PRR14L: variants seen among roughly 807,000 people sequenced by gnomAD.
PRR14L encodes the protein proline rich 14 like.
PRR14L carries 80 observed loss-of-function variants against 155.0 expected under a neutral mutation model. That is an observed-to-expected ratio of 0.52 (90% CI 0.43 to 0.62). The LOEUF is 0.62. Among genes scored for constraint, PRR14L ranks in the 20% least tolerant of loss-of-function variants. The pLI is 0.00. For missense variants in PRR14L, 2,469 were observed against 2,548.0 expected (o/e 0.97, Z 0.67); for synonymous variants, 883 against 916.0 (o/e 0.96, Z 0.65).
At chr22:31,707,751 C>T (rs1414142275) in intron 4 of PRR14L, among the ~76,000 whole-genome samples, 3 of 152,240 alleles carry the variant, frequency 2.0e-5, no homozygotes, top group East Asian at 1.9e-4. Flanking sequence ...ATTTTAGAGG[C>T]ATATCAACAA....
At position 31,714,523 on chromosome 22, in the gene PRR14L, T is replaced by C. The variant is rs748228992; in HGVS notation, c.3316A>G (p.Thr1106Ala). Residue 1106 changes from threonine (T) to alanine (A), a missense_variant, in exon 4 of 9, where the codon ACA (threonine) becomes GCA (alanine). Thr to Ala is a moderately conservative substitution (Grantham distance 58, BLOSUM62 0). This residue lies in a region of PRR14L where 2,363 missense variants were observed against 2,371.6 expected (regional missense o/e 1.00). Coordinates refer to ENST00000327423, the MANE Select transcript of PRR14L (RefSeq NM_173566.3). ...TCTGAATCCTGACCAGTTGTTCCTGTATGTGCAGCATCCAGTTCTCTCCGA... is the reference window on the plus strand; with the variant it reads ...TCTGAATCCTGACCAGTTGTTCCTGCATGTGCAGCATCCAGTTCTCTCCGA... ...LSRRELDAAH[T>A]GTTGQDSDFP... The C allele has an allele frequency of 1.2e-5, 18 of 1,552,180 alleles. No homozygotes were observed. Among genetic ancestry groups the C allele is most frequent in the Non-Finnish European group, 1.6e-5 (18 of 1,147,092 alleles).
chr22:31,701,908 A>T, intron 6 of PRR14L, 146 bp from the exon 7 acceptor site: 1 of 607,844 alleles, frequency 1.6e-6, no homozygotes, highest in East Asian at 3.0e-5. Flanking sequence ...CCTGGACTCA[A>T]ATGATCCTCC....
chr22:31,689,873 G>A (rs563069222), intron 7 of PRR14L, among the ~76,000 whole-genome samples: 2 of 151,972 alleles, frequency 1.3e-5, no homozygotes, highest in East Asian at 3.9e-4. Context: ...AGCCTCCTCA[G>A]TAGCTGGAAT....
rs2074472400 is a variant in PRR14L at position 31,684,531 on chromosome 22, C to A, written c.*996G>T. ...AGTTTTTCAATGATCGGGAGAGAAACCTGCTCTTACTTAAATCACTAAAAT... is the reference window on the plus strand; with the variant it reads ...AGTTTTTCAATGATCGGGAGAGAAAACTGCTCTTACTTAAATCACTAAAAT... On this transcript the variant is annotated 3_prime_UTR_variant, in exon 9 of 9. Transcript: ENST00000327423. 1 of 152,132 alleles carries A rather than the reference C, an allele frequency of 6.6e-6. No homozygotes were observed. The highest frequency in any genetic ancestry group is 1.5e-5 in the Non-Finnish European group (1 of 68,036). The allele number at this position is 152,132 out of a possible 1,614,324, so 9.4% of individuals were successfully genotyped here.
rs559610474 is a variant in PRR14L, at chr22:31,703,647, A to C, written c.5903T>G (p.Leu1968Arg). 6.2e-7 allele frequency: 1 copy of C among 1,613,290 alleles called. No homozygotes were observed. ...ACGAACCTGGAACTCAGAGGCTGAA[A>C]GCAGGAGCTTGCTGACAGCTGATTC... is the stretch of plus-strand genomic sequence containing the variant. ...VAESAVSKLL[L>R]SASEFQVRGL... Residue 1968 changes from leucine to arginine, a missense_variant, in exon 6 of 9, where the codon CTT becomes CGT. Physicochemically the swap from Leu to Arg is moderately radical, Grantham distance 102 (BLOSUM62 -2). Coordinates refer to ENST00000327423, the MANE Select transcript of PRR14L (RefSeq NM_173566.3).
In PRR14L at chr22:31,683,736, T is replaced by C. The variant is rs1175639379; in HGVS notation, c.*1791A>G. 1.3e-5 allele frequency: 2 copies of C among 152,266 alleles called. No homozygotes were observed. The highest frequency in any genetic ancestry group is 4.8e-5 in the African/African-American group (2 of 41,446). The allele number at this position is 152,266 out of a possible 1,614,324, so 9.4% of individuals were successfully genotyped here. On this transcript the variant is annotated 3_prime_UTR_variant, in exon 9 of 9. Coordinates refer to ENST00000327423, the MANE Select transcript of PRR14L (RefSeq NM_173566.3). ...GTGGCACACTTTTCCCTCTGGCTCA[T>C]GTCAGTTTTTCTGCTCCAGTGTGGC...
intron 1 of PRR14L, among the ~76,000 whole-genome samples, chr22:31,742,632 G>T (rs2074818705): frequency 6.6e-6 from 1 of 152,088 alleles, no homozygotes; most frequent in East Asian, 1.9e-4. Context: ...CTCCCAAAGT[G>T]CTGGGATTAA....
Position 31,720,254 on chromosome 22 carries a change from C to T in PRR14L, c.548-2963G>A, listed in dbSNP as rs980977151. ...AATAGAATAACTAGGCTAGACACAG[C>T]GTTTTAAAATGTTTGGAGTCAGCAA... On this transcript the variant is annotated intron_variant, in intron 3 of 8. Coordinates refer to ENST00000327423, the MANE Select transcript of PRR14L (RefSeq NM_173566.3). Among the ~76,000 whole-genome samples, 14 of 152,176 alleles carry T rather than the reference C, an allele frequency of 9.2e-5. No individual in the cohort carries two copies. The South Asian group carries it at 2.7e-3, about 29-fold the overall frequency.
intron 6 of PRR14L, among the ~76,000 whole-genome samples, chr22:31,702,461 TCCGCCCACC>T (rs1306645992): frequency 3.9e-5 from 6 of 152,106 alleles, no homozygotes; most frequent in Non-Finnish European, 8.8e-5. Context: ...CCTCAGGTGA[TCCGCCCACC>T]TCGGCCACCC....
chr22:31,746,195 G>A (rs1166708909), intron 1 of PRR14L, among the ~76,000 whole-genome samples: 1 of 152,174 alleles, frequency 6.6e-6, no homozygotes, highest in Non-Finnish European at 1.5e-5. Flanking sequence ...CTCCCAGAGT[G>A]AGCTGCTGCA....
In PRR14L at chr22:31,701,767, T is replaced by A; in HGVS notation, c.6001-5A>T. 1 of 1,605,272 alleles carries A rather than the reference T, an allele frequency of 6.2e-7. No individual in the cohort carries two copies. Among genetic ancestry groups the A allele is most frequent in the Non-Finnish European group, 8.5e-7 (1 of 1,173,186 alleles). ...TGGCCTCTTCTCTGGCTCAGCCTAT[T>A]TTTAAGGATTAAGAAGAAAGATGGT... On this transcript the variant is annotated splice_polypyrimidine_tract_variant and splice_region_variant and intron_variant, in intron 6 of 8. Transcript: ENST00000327423.
intron 3 of PRR14L, among the ~76,000 whole-genome samples, chr22:31,723,051 A>C (rs1055072347): frequency 2.0e-5 from 3 of 152,032 alleles, no homozygotes; most frequent in Admixed American, 6.6e-5. Context: ...ACTGGCTATG[A>C]CTTTGGACAG....
chr22:31,744,490 T>A (rs1309925424), intron 1 of PRR14L, among the ~76,000 whole-genome samples: 1 of 152,102 alleles, frequency 6.6e-6, no homozygotes, highest in Non-Finnish European at 1.5e-5. Context: ...CAGGCTGGTC[T>A]CAAACTCCTG....
chr22:31,745,703 T>A (rs145014818), intron 1 of PRR14L, among the ~76,000 whole-genome samples: 9 of 151,286 alleles, frequency 5.9e-5, no homozygotes, highest in African/African-American at 2.2e-4. Context: ...AAAAATTAGC[T>A]GGGCGTGGTG....
In PRR14L at chr22:31,713,907, G is replaced by C. The variant is rs1296341154; in HGVS notation, c.3932C>G (p.Ala1311Gly). The C allele has an allele frequency of 6.4e-7, 1 of 1,551,944 alleles. No individual in the cohort carries two copies. Among genetic ancestry groups the C allele is most frequent in the Non-Finnish European group, 8.7e-7 (1 of 1,147,038 alleles). ...CTCVEKNACK[A>G]CHPHENSSDR... Reference sequence around the variant, plus strand: ...AGAGGAATTCTCGTGAGGGTGACAAGCTTTGCAAGCATTCTTTTCCACACA... The same window carrying C: ...AGAGGAATTCTCGTGAGGGTGACAACCTTTGCAAGCATTCTTTTCCACACA... The change falls in exon 4 of 9, where the codon GCT becomes GGT. Residue 1311 changes from alanine to glycine, a missense_variant. Physicochemically the swap from Ala to Gly is moderately conservative, Grantham distance 60. Transcript: ENST00000327423.
Position 31,687,988 on chromosome 22 carries a change from C to A in PRR14L, c.6179+168G>T, listed in dbSNP as rs377234945. On this transcript the variant is annotated intron_variant, in intron 8 of 8. Coordinates refer to ENST00000327423, the MANE Select transcript of PRR14L (RefSeq NM_173566.3). The stretch of plus-strand genomic sequence containing the variant: ...CGGAGCTTGCAGTGAGCCGAGATTG[C>A]GCCATTGCACTCCAGCCTGGGCGAC... 2.0e-5 allele frequency among the ~76,000 whole-genome samples: 3 copies of A among 148,780 alleles called. No homozygotes were observed. The East Asian group carries it at 6.0e-4, about 30-fold the overall frequency.
intron 4 of PRR14L, among the ~76,000 whole-genome samples, chr22:31,706,390 A>G (rs2074591864): frequency 6.7e-6 from 1 of 150,312 alleles, no homozygotes; most frequent in Admixed American, 6.6e-5. Context: ...AAAGGAGAAA[A>G]CTATTAAAAG....
chr22:31,740,822 C>T (rs1205876695), intron 1 of PRR14L, among the ~76,000 whole-genome samples: 7 of 152,216 alleles, frequency 4.6e-5, no homozygotes, highest in African/African-American at 1.7e-4. Context: ...TTAGGTAACA[C>T]AGAAAGGCGA....
Position 31,727,791 on chromosome 22 carries a change from G to A in PRR14L, c.475-2181C>T, listed in dbSNP as rs866730456. On this transcript the variant is annotated intron_variant, in intron 2 of 8. Transcript: ENST00000327423. ...GAGGTCAGGAGTTCAAGACCAGCCT[G>A]GCCAACATCATGACACCCCATCTCT... 2.6e-5 allele frequency among the ~76,000 whole-genome samples: 4 copies of A among 151,740 alleles called. No individual in the cohort carries two copies. In the Middle Eastern group the frequency reaches 0.014, roughly 520 times the overall value.
Sources: allele counts gnomAD v4.1 joint callset (sites outside exome capture counted in the v4.1 genomes callset), GRCh38; gene constraint gnomAD v4.1.1; regional missense constraint gnomAD v4.1.1; transcripts MANE v1.5; gene names NCBI Gene and HGNC (gene_info 2026-07-23, HGNC 2026-07-21).